The following CEP85L variants were observed in gnomAD, a reference collection of about 807,000 sequenced individuals.
The protein encoded by CEP85L is centrosomal protein of 85 kDa-like.
CEP85L carries 60 observed loss-of-function variants against 100.3 expected under a neutral mutation model. The observed-to-expected ratio is 0.60, with a 90% confidence interval of 0.49 to 0.74. CEP85L has a LOEUF of 0.74. CEP85L is among the 30% of genes least tolerant of loss of function. The probability of loss-of-function intolerance (pLI) is 0.00; values close to 1 mark genes in which losing one functional copy is unlikely to be tolerated. For missense variants in CEP85L, 973 were observed against 936.2 expected (o/e 1.04, Z -0.51); for synonymous variants, 319 against 322.7 (o/e 0.99, Z 0.12).
At chr6:118,594,015 G>C (rs1293349113) in intron 2 of CEP85L, among the ~76,000 whole-genome samples, 1 of 152,028 alleles carries the variant, frequency 6.6e-6, no homozygotes, top group South Asian at 2.1e-4. Context: ...TAATCCCCTG[G>C]ACTTCTGTAT....
chr6:118,634,251 A>T (rs978407384), intron 1 of CEP85L, among the ~76,000 whole-genome samples: 3 of 72,568 alleles, frequency 4.1e-5, no homozygotes, highest in African/African-American at 1.7e-4. Context: ...TAATTATACC[A>T]GTTTTTTTAA....
At chr6:118,637,276 C>A (rs369555747) in intron 1 of CEP85L, among the ~76,000 whole-genome samples, 1 of 152,140 alleles carries the variant, frequency 6.6e-6, no homozygotes, top group Admixed American at 6.5e-5. Flanking sequence ...ATACTTAGAG[C>A]CTTTTTATTT....
intron 2 of CEP85L, among the ~76,000 whole-genome samples, chr6:118,597,248 C>G (rs1339492978): frequency 1.3e-5 from 2 of 152,164 alleles, no homozygotes; most frequent in African/African-American, 2.4e-5. Context: ...CACCCTTGAT[C>G]TTGAAACTCT....
At chr6:118,559,241 T>G in intron 3 of CEP85L, 2 of 693,118 alleles carry the variant, frequency 2.9e-6, no homozygotes, top group Non-Finnish European at 5.3e-6. Context: ...TGTTACCATA[T>G]GTATTCATCT....
At chr6:118,603,447 T>C (rs981930200) in intron 2 of CEP85L, among the ~76,000 whole-genome samples, 1 of 152,224 alleles carries the variant, frequency 6.6e-6, no homozygotes, top group Non-Finnish European at 1.5e-5. Flanking sequence ...GAAAACAGAT[T>C]CTTACTGCAC....
intron 5 of CEP85L, chr6:118,501,732 T>C (rs925176682): frequency 3.8e-6 from 3 of 782,248 alleles, no homozygotes; most frequent in African/African-American, 3.5e-5. Context: ...ACAGACTTCA[T>C]GGCTAACTTG....
At chr6:118,573,578 T>G (rs1222306789) in intron 2 of CEP85L, among the ~76,000 whole-genome samples, 2 of 152,170 alleles carry the variant, frequency 1.3e-5, no homozygotes, top group African/African-American at 4.8e-5. Flanking sequence ...AAAATATATA[T>G]ACTTAGCAAC....
intron 2 of CEP85L, among the ~76,000 whole-genome samples, chr6:118,615,788 A>C (rs1271749867): frequency 1.3e-5 from 2 of 152,200 alleles, no homozygotes; most frequent in Non-Finnish European, 2.9e-5. Context: ...GGCTCAGCTG[A>C]GCTTACCCAG....
At chr6:118,644,499 T>A (rs1775063122) in intron 1 of CEP85L, among the ~76,000 whole-genome samples, 1 of 151,958 alleles carries the variant, frequency 6.6e-6, no homozygotes, top group Non-Finnish European at 1.5e-5. Context: ...ATATTCAACA[T>A]CTCACCTGAA....
intron 5 of CEP85L, among the ~76,000 whole-genome samples, chr6:118,498,317 G>A (rs1375440334): frequency 6.6e-6 from 1 of 152,022 alleles, no homozygotes; most frequent in Non-Finnish European, 1.5e-5. Flanking sequence ...AACATAGTGA[G>A]ACCCCCATAT....
At chr6:118,665,823 C>T (rs1282242137) in intron 1 of CEP85L, among the ~76,000 whole-genome samples, 1 of 152,118 alleles carries the variant, frequency 6.6e-6, no homozygotes, top group African/African-American at 2.4e-5. Context: ...TTCTCTGTTC[C>T]TCTCCACATC....
intron 3 of CEP85L, among the ~76,000 whole-genome samples, chr6:118,561,704 T>C (rs1779233451): frequency 6.6e-6 from 1 of 152,134 alleles, no homozygotes; most frequent in Non-Finnish European, 1.5e-5. Context: ...AAATGAATGT[T>C]CTTGAAAACT....
chr6:118,677,593 T>C (rs2638551), intron 1 of CEP85L, among the ~76,000 whole-genome samples: 69,003 of 152,080 alleles, frequency 0.45, 16,291 homozygotes, highest in African/African-American at 0.57. Context: ...TGTTTTCCAC[T>C]GTCTACCAAG....
chr6:118,700,658 G>A (rs927650456), intron 1 of CEP85L, among the ~76,000 whole-genome samples: 5 of 152,164 alleles, frequency 3.3e-5, no homozygotes, highest in African/African-American at 1.2e-4. Flanking sequence ...GAATCTACAC[G>A]CAGTTCTGGT....
At chr6:118,621,611 C>T (rs896669143) in intron 2 of CEP85L, among the ~76,000 whole-genome samples, 1 of 152,194 alleles carries the variant, frequency 6.6e-6, no homozygotes, top group Non-Finnish European at 1.5e-5. Context: ...CAACAGACTA[C>T]TCTAGATCTC....
chr6:118,487,463 C>T (rs957260088), intron 6 of CEP85L, among the ~76,000 whole-genome samples: 21 of 152,134 alleles, frequency 1.4e-4, no homozygotes, highest in Non-Finnish European at 2.5e-4. Flanking sequence ...ATAGTAAAAC[C>T]CCCAACATGG....
chr6:118,688,485 C>T (rs1467769890), intron 1 of CEP85L, among the ~76,000 whole-genome samples: 1 of 152,160 alleles, frequency 6.6e-6, no homozygotes, highest in African/African-American at 2.4e-5. Context: ...GAAATTGGAC[C>T]TCTTCTTACA....
At chr6:118,622,620 A>G (rs1224169250) in intron 2 of CEP85L, among the ~76,000 whole-genome samples, 1 of 152,236 alleles carries the variant, frequency 6.6e-6, no homozygotes, top group Non-Finnish European at 1.5e-5. Flanking sequence ...TGGGAGAAGG[A>G]AAAAGAATAA....
At chr6:118,653,473 A>G (rs376431560), upstream of CEP85L, among the ~76,000 whole-genome samples, 9 of 152,206 alleles carry the variant, frequency 5.9e-5, no homozygotes, top group East Asian at 1.7e-3. Flanking sequence ...TTCCCCCCAA[A>G]TCCATGATAC....
Sources: allele counts gnomAD v4.1 joint callset (sites outside exome capture counted in the v4.1 genomes callset), GRCh38; gene constraint gnomAD v4.1.1; transcripts MANE v1.5; gene names NCBI Gene and HGNC (gene_info 2026-07-23, HGNC 2026-07-21).